SOS1: variants seen among roughly 807,000 people sequenced by gnomAD.
SOS1 encodes SOS Ras/Rac guanine nucleotide exchange factor 1, also known as son of sevenless homolog 1.
A neutral mutation model predicts 157.6 loss-of-function variants in SOS1; 25 were observed. That is an observed-to-expected ratio of 0.16 (90% CI 0.12 to 0.22). SOS1 has a LOEUF of 0.22. Ranked by LOEUF, SOS1 falls within the 10% of genes least tolerant of loss-of-function variation. SOS1 has a pLI of 1.00. For missense variants in SOS1, 1,237 were observed against 1,599.1 expected (o/e 0.77, Z 3.86); for synonymous variants, 528 against 534.0 (o/e 0.99, Z 0.16).
chr2:39,010,715 AATAC>A lies in SOS1; in HGVS notation c.2391-16_2391-13del, dbSNP rs1669437260. The A allele has an allele frequency of 6.2e-7, 1 of 1,600,614 alleles. No individual in the cohort carries two copies. Among genetic ancestry groups the A allele is most frequent in the Non-Finnish European group, 8.6e-7 (1 of 1,168,188 alleles). ...ATGGCTGTACAGCTCTAAAATCATCAATACATAATTCTACATGACACTTTTTTCT... is the reference window on the plus strand; with the variant it reads ...ATGGCTGTACAGCTCTAAAATCATCAATAATTCTACATGACACTTTTTTCT... On this transcript the variant is annotated splice_polypyrimidine_tract_variant and intron_variant, in intron 14 of 22. Coordinates refer to ENST00000402219, the MANE Select transcript of SOS1 (RefSeq NM_005633.4).
rs2124537717 is a variant in SOS1, at chr2:39,023,143, T to C, written c.1285A>G (p.Ile429Val). ...IKKMNEIQKN[I>V]DGWEGKDIGQ... ...ATGTCTTTTCCCTCCCAACCATCAA[T>C]ATTCTTCTGAATCTCGTTCATCTTC... Residue 429 changes from isoleucine (I) to valine (V), a missense_variant, in exon 10 of 23, where the codon ATT becomes GTT. Physicochemically the swap from Ile to Val is conservative, Grantham distance 29. Around this residue, in one of 15 missense-constraint regions of SOS1, gnomAD observed 210 missense variants for 220.2 expected, o/e 0.95. Transcript: ENST00000402219. 1 of 1,613,234 alleles carries C rather than the reference T, an allele frequency of 6.2e-7. No homozygotes were observed. Among genetic ancestry groups the C allele is most frequent in the African/African-American group, 1.3e-5 (1 of 75,014 alleles).
At chr2:39,111,165 G>A (rs1170747663) in intron 1 of SOS1, among the ~76,000 whole-genome samples, 2 of 152,106 alleles carry the variant, frequency 1.3e-5, no homozygotes, top group African/African-American at 4.8e-5. Flanking sequence ...CCCAGGAGGC[G>A]GAGGTTACAG....
chr2:39,122,553 G>C (rs1009234308), upstream of SOS1, among the ~76,000 whole-genome samples: 1 of 152,022 alleles, frequency 6.6e-6, no homozygotes, highest in East Asian at 1.9e-4. Context: ...CGGACCATTT[G>C]AGTTCAGGAG....
intron 17 of SOS1, among the ~76,000 whole-genome samples, chr2:39,003,500 G>A (rs1669179317): frequency 1.3e-5 from 2 of 152,018 alleles, no homozygotes; most frequent in Non-Finnish European, 2.9e-5. Context: ...TAAGGTCAAA[G>A]GAAGAGACAC....
chr2:39,063,488 G>C (rs1178999588), intron 2 of SOS1, among the ~76,000 whole-genome samples: 1 of 152,140 alleles, frequency 6.6e-6, no homozygotes, highest in Admixed American at 6.5e-5. Flanking sequence ...TTATTCATCT[G>C]CAACACTGCC....
chr2:39,119,506 T>C (rs1427985268), intron 1 of SOS1, among the ~76,000 whole-genome samples: 1 of 152,188 alleles, frequency 6.6e-6, no homozygotes, highest in African/African-American at 2.4e-5. Context: ...TTAGAAACAC[T>C]ATTAGAAGAG....
At chr2:39,089,318 G>A (rs1047224385) in intron 1 of SOS1, among the ~76,000 whole-genome samples, 2 of 152,104 alleles carry the variant, frequency 1.3e-5, no homozygotes, top group Admixed American at 6.5e-5. Context: ...TCACCTTGAG[G>A]TCAGGAGTTC....
At chr2:39,012,973 C>G (rs1255334008) in intron 13 of SOS1, among the ~76,000 whole-genome samples, 1 of 152,090 alleles carries the variant, frequency 6.6e-6, no homozygotes, top group East Asian at 1.9e-4. Context: ...CCTTAGAGAT[C>G]GACAAACCTA....
At chr2:39,020,531 A>G (rs890404210) in intron 10 of SOS1, among the ~76,000 whole-genome samples, 1 of 151,758 alleles carries the variant, frequency 6.6e-6, no homozygotes, top group Non-Finnish European at 1.5e-5. Context: ...AAACATACCT[A>G]CTAACCAAAT....
intron 4 of SOS1, 112 bp downstream of exon 4, chr2:39,056,590 G>A: frequency 1.3e-6 from 1 of 744,134 alleles, no homozygotes; most frequent in Non-Finnish European, 2.4e-6. Flanking sequence ...TTAGGTTACT[G>A]GAGATATTCC....
At chr2:38,996,384 C>A (rs1355457967) in intron 19 of SOS1, among the ~76,000 whole-genome samples, 1 of 152,212 alleles carries the variant, frequency 6.6e-6, no homozygotes, top group Non-Finnish European at 1.5e-5. Context: ...GCCACCGCAC[C>A]TGGCAGACTT....
At chr2:39,004,224 G>C (rs1178204993) in intron 17 of SOS1, among the ~76,000 whole-genome samples, 6 of 151,980 alleles carry the variant, frequency 3.9e-5, no homozygotes, top group African/African-American at 1.5e-4. Context: ...GACCATCTTG[G>C]CTAACACGGT....
chr2:39,022,416 T>G, intron 10 of SOS1, 154 bp downstream of exon 10: 1 of 656,502 alleles, frequency 1.5e-6, no homozygotes. Flanking sequence ...AGTAAAACAT[T>G]CCAAAGAAAT....
chr2:39,034,403 A>G (rs555385023), intron 8 of SOS1, among the ~76,000 whole-genome samples: 47 of 152,364 alleles, frequency 3.1e-4, no homozygotes, highest in Non-Finnish European at 5.6e-4. Context: ...TCTGTGAAAG[A>G]ATCATGATAC....
At chr2:39,056,911 C>T in intron 3 of SOS1, 45 bp from the exon 4 acceptor site, 2 of 1,272,978 alleles carry the variant, frequency 1.6e-6, no homozygotes, top group Non-Finnish European at 1.1e-6. Context: ...ATATACTGTA[C>T]ATTTAACACA....
intron 10 of SOS1, among the ~76,000 whole-genome samples, chr2:39,019,928 A>T (rs957156584): frequency 6.6e-6 from 1 of 151,612 alleles, no homozygotes; most frequent in Non-Finnish European, 1.5e-5. Flanking sequence ...CAAACCAAGG[A>T]AGTAATTTAT....
chr2:39,058,787 A>G lies in SOS1; in HGVS notation c.231T>C (p.Ser77=). 5.0e-6 allele frequency: 8 copies of G among 1,612,310 alleles called. No individual in the cohort carries two copies. The highest frequency in any genetic ancestry group is 6.8e-6 in the Non-Finnish European group (8 of 1,178,742). ...ASDVEERVQK[S]FPHPIDKWAI... is the part of the protein sequence containing the mutation. ...CCCATTTATCAATTGGATGAGGGAA[A>G]CTTTTTTGAACACGTTCCTTGGAAA... is the stretch of plus-strand genomic sequence containing the variant. The change falls in exon 3 of 23, where the codon AGT becomes AGC. Residue 77 remains serine (S), a synonymous_variant. Transcript: ENST00000402219.
At chr2:39,107,495 C>G (rs1673242649) in intron 1 of SOS1, among the ~76,000 whole-genome samples, 3 of 152,046 alleles carry the variant, frequency 2.0e-5, no homozygotes, top group Non-Finnish European at 4.4e-5. Flanking sequence ...AACTTGGAGT[C>G]AGACTTTCAT....
intron 1 of SOS1, among the ~76,000 whole-genome samples, chr2:39,080,543 AAAT>A (rs1242607763): frequency 1.3e-5 from 2 of 152,224 alleles, no homozygotes; most frequent in Non-Finnish European, 2.9e-5. Context: ...TAAGAAATTA[AAAT>A]AATATTTTTC....
Sources: gnomAD v4.1 joint callset for allele counts (sites outside exome capture counted in the v4.1 genomes callset) on GRCh38, gnomAD v4.1.1 for gene constraint, gnomAD v4.1.1 regional missense constraint, MANE v1.5 for transcripts, NCBI Gene and HGNC (gene_info 2026-07-23, HGNC 2026-07-21) for gene names.